The following LRRC36 variants were observed in gnomAD, a reference collection of about 807,000 sequenced individuals.
The protein encoded by LRRC36 is leucine-rich repeat-containing protein 36.
A neutral mutation model predicts 81.1 loss-of-function variants in LRRC36; 62 were observed. That is an observed-to-expected ratio of 0.76 (90% CI 0.62 to 0.94). The LOEUF (loss-of-function observed/expected upper bound fraction) is 0.94. LRRC36 is among the 40% of genes least tolerant of loss of function. LRRC36 has a pLI of 0.00. For synonymous variants in LRRC36, 334 were observed against 348.6 expected, an observed-to-expected ratio of 0.96 and a Z score of 0.47; for missense variants, 761 against 881.7, an observed-to-expected ratio of 0.86 and a Z score of 1.73.
intron 10 of LRRC36, among the ~76,000 whole-genome samples, chr16:67,375,672 T>TA (rs2039864397): frequency 6.6e-6 from 1 of 152,248 alleles, no homozygotes; most frequent in African/African-American, 2.4e-5. Context: ...TCTTTGGTAA[T>TA]ATATAGAGTA....
At chr16:67,331,183 A>T (rs2037474495) in intron 1 of LRRC36, among the ~76,000 whole-genome samples, 1 of 152,068 alleles carries the variant, frequency 6.6e-6, no homozygotes, top group Non-Finnish European at 1.5e-5. Flanking sequence ...AACAGCATGA[A>T]GCCACCGTTG....
rs1397696725 is a variant in LRRC36 at position 67,326,827 on chromosome 16, G to T, written c.-36G>T. ...GGCGGGGCCTGGCGTGCGCCGGGTGGTCTCGCGGGCGGTGGCAGGTGAGCG... is the reference window on the plus strand; with the variant it reads ...GGCGGGGCCTGGCGTGCGCCGGGTGTTCTCGCGGGCGGTGGCAGGTGAGCG... On this transcript the variant is annotated 5_prime_UTR_variant, in exon 1 of 14. Coordinates refer to ENST00000329956, the MANE Select transcript of LRRC36 (RefSeq NM_018296.6). The T allele has an allele frequency of 1.4e-6, 2 of 1,405,666 alleles. No individual in the cohort carries two copies. Among genetic ancestry groups the T allele is most frequent in the Non-Finnish European group, 1.8e-6 (2 of 1,088,456 alleles). The allele number at this position is 1,405,666 out of a possible 1,614,324, so 87.1% of individuals were successfully genotyped here. A position where few individuals can be genotyped will look rare whatever the true frequency, so the allele number is the denominator to read the frequency against.
chr16:67,356,302 C>T lies in LRRC36; in HGVS notation c.577+6012C>T, dbSNP rs543137484. Among the ~76,000 whole-genome samples the T allele has an allele frequency of 2.4e-4, 36 of 152,286 alleles. No individual in the cohort carries two copies. In the South Asian group the frequency reaches 5.8e-3, roughly 25 times the overall value. On this transcript the variant is annotated intron_variant, in intron 5 of 13. Transcript: ENST00000329956. ...ATCCATCCCACTTCAACATGTTGAT[C>T]CATGTCATCTCTTGGTTTAGCCATG...
intron 1 of LRRC36, among the ~76,000 whole-genome samples, chr16:67,331,994 A>G (rs916497157): frequency 2.0e-5 from 3 of 152,138 alleles, no homozygotes; most frequent in East Asian, 1.9e-4. Context: ...ATCTCAAAAA[A>G]AAAAAGAAAA....
chr16:67,354,517 A>G (rs2038810996), intron 5 of LRRC36, among the ~76,000 whole-genome samples: 1 of 152,266 alleles, frequency 6.6e-6, no homozygotes, highest in Middle Eastern at 3.4e-3. Flanking sequence ...ACCTCAAGTG[A>G]TCCACCCACC....
intron 6 of LRRC36, among the ~76,000 whole-genome samples, chr16:67,364,053 A>G (rs2039279395): frequency 6.6e-6 from 1 of 152,120 alleles, no homozygotes; most frequent in African/African-American, 2.4e-5. Flanking sequence ...CAATATCTCC[A>G]TCTCCTGTTG....
At chr16:67,332,302 C>T (rs1163247161) in intron 1 of LRRC36, among the ~76,000 whole-genome samples, 1 of 152,060 alleles carries the variant, frequency 6.6e-6, no homozygotes, top group Admixed American at 6.6e-5. Flanking sequence ...GCCTGTAATC[C>T]CAGCACTTTG....
chr16:67,378,460 G>C (rs1050825841), intron 11 of LRRC36, 129 bp from the exon 12 acceptor site: 16 of 702,002 alleles, frequency 2.3e-5, no homozygotes, highest in Non-Finnish European at 3.5e-5. Context: ...GGCTGGTCTC[G>C]AACTCCTGAG....
At position 67,365,293 on chromosome 16, in the gene LRRC36, A is replaced by C; in HGVS notation, c.703-11A>C. On this transcript the variant is annotated splice_polypyrimidine_tract_variant and intron_variant, in intron 6 of 13. Transcript: ENST00000329956. ...GACTTCCTTCTACCTAAACTTTCGA[A>C]CTTTTTTTAGACACAGGAAGTAGCA... The C allele has an allele frequency of 6.2e-7, 1 of 1,611,194 alleles. No individual in the cohort carries two copies. The highest frequency in any genetic ancestry group is 8.5e-7 in the Non-Finnish European group (1 of 1,178,138).
At chr16:67,332,158 G>C (rs894004434) in intron 1 of LRRC36, among the ~76,000 whole-genome samples, 7 of 152,134 alleles carry the variant, frequency 4.6e-5, no homozygotes, top group African/African-American at 1.7e-4. Context: ...GCCCACTGGG[G>C]TTATGTAACC....
intron 1 of LRRC36, among the ~76,000 whole-genome samples, chr16:67,335,787 C>T (rs1567466266): frequency 6.6e-6 from 1 of 151,402 alleles, no homozygotes; most frequent in Non-Finnish European, 1.5e-5. Flanking sequence ...GGCTGGAATG[C>T]AGTGGCACGA....
Position 67,326,852 on chromosome 16 carries a change from G to T in LRRC36, c.-11G>T. 1.4e-6 allele frequency: 2 copies of T among 1,428,284 alleles called. No homozygotes were observed. The highest frequency in any genetic ancestry group is 1.5e-5 in the South Asian group (1 of 65,068). The allele number at this position is 1,428,284 out of a possible 1,614,324, so 88.5% of individuals were successfully genotyped here. The stretch of plus-strand genomic sequence containing the variant: ...GTCTCGCGGGCGGTGGCAGGTGAGC[G>T]GCGGGCGGGGATGGCGGAGCAATGG... On this transcript the variant is annotated 5_prime_UTR_variant, in exon 1 of 14. Transcript: ENST00000329956.
In LRRC36 at chr16:67,365,370, C is replaced by T; in HGVS notation, c.754+15C>T. 6.2e-7 allele frequency: 1 copy of T among 1,610,732 alleles called. No individual in the cohort carries two copies. The highest frequency in any genetic ancestry group is 8.5e-7 in the Non-Finnish European group (1 of 1,177,336). On this transcript the variant is annotated intron_variant, in intron 7 of 13. Coordinates refer to ENST00000329956, the MANE Select transcript of LRRC36 (RefSeq NM_018296.6). Reference sequence around the variant, plus strand: ...CCAGGAAGATGGTAAATATTTTGCTCACTGAGTATTTTTCCCCCACACTAA... The same window carrying T: ...CCAGGAAGATGGTAAATATTTTGCTTACTGAGTATTTTTCCCCCACACTAA...
rs2038229841 is a variant in LRRC36, at chr16:67,344,096, C to A, written c.198+2012C>A. Among the ~76,000 whole-genome samples the A allele has an allele frequency of 2.0e-5, 3 of 152,240 alleles. No individual in the cohort carries two copies. The South Asian group carries it at 6.2e-4, about 32-fold the overall frequency. Reference sequence around the variant, plus strand: ...CCTCCCAAAGTGCTGGGATTAGAGGCATGAGCCACCATGCCCAGCCACATC... The same window carrying A: ...CCTCCCAAAGTGCTGGGATTAGAGGAATGAGCCACCATGCCCAGCCACATC... On this transcript the variant is annotated intron_variant, in intron 2 of 13. Transcript: ENST00000329956.
chr16:67,337,145 A>T (rs188429819), intron 1 of LRRC36, among the ~76,000 whole-genome samples: 186 of 152,062 alleles, frequency 1.2e-3, no homozygotes, highest in African/African-American at 4.1e-3. Flanking sequence ...TCATCTGTTG[A>T]TGGGCATTTG....
chr16:67,343,211 T>G (rs2038175267), intron 2 of LRRC36, among the ~76,000 whole-genome samples: 1 of 152,220 alleles, frequency 6.6e-6, no homozygotes, highest in African/African-American at 2.4e-5. Context: ...TTGCTGTAAT[T>G]TGTTTTTATA....
chr16:67,352,185 G>A (rs148764083), intron 5 of LRRC36, among the ~76,000 whole-genome samples: 3 of 152,306 alleles, frequency 2.0e-5, no homozygotes, highest in East Asian at 3.9e-4. Context: ...AGCCCCAGCT[G>A]TTGCCTGGAT....
At chr16:67,343,944 G>A (rs1297462092) in intron 2 of LRRC36, among the ~76,000 whole-genome samples, 1 of 151,850 alleles carries the variant, frequency 6.6e-6, no homozygotes, top group African/African-American at 2.4e-5. Flanking sequence ...AGCCTCCTGA[G>A]TAGCTGAGAT....
chr16:67,368,598 A>G (rs549006896), intron 8 of LRRC36, among the ~76,000 whole-genome samples: 5 of 152,384 alleles, frequency 3.3e-5, no homozygotes, highest in East Asian at 1.9e-4. Context: ...AGTAAGAAAG[A>G]TGCCAGACTT....
Sources: allele counts gnomAD v4.1 joint callset (sites outside exome capture counted in the v4.1 genomes callset), GRCh38; gene constraint gnomAD v4.1.1; transcripts MANE v1.5; gene names NCBI Gene and HGNC (gene_info 2026-07-23, HGNC 2026-07-21).